NRG3: variants seen among roughly 807,000 people sequenced by gnomAD.
The protein encoded by NRG3 is pro-neuregulin-3, membrane-bound isoform.
Under a neutral mutation model 66.9 loss-of-function variants are expected in NRG3, and 31 were observed. The ratio of observed to expected loss-of-function variants is 0.46; its 90% CI spans 0.35 to 0.63. The LOEUF (loss-of-function observed/expected upper bound fraction) is 0.63. Among genes scored for constraint, NRG3 ranks in the 20% least tolerant of loss-of-function variants. The probability of loss-of-function intolerance (pLI) is 0.00; values close to 1 mark genes in which losing one functional copy is unlikely to be tolerated. For missense variants in NRG3, 910 were observed against 878.9 expected, an observed-to-expected ratio of 1.04 and a Z score of -0.45; for synonymous variants, 393 against 359.4, an observed-to-expected ratio of 1.09 and a Z score of -1.06.
At chr10:82,863,203 T>C (rs2135933792) in intron 3 of NRG3, among the ~76,000 whole-genome samples, 1 of 152,034 alleles carries the variant, frequency 6.6e-6, no homozygotes, top group East Asian at 1.9e-4. Context: ...TTCTTTTTTA[T>C]GACTGCATAG....
intron 4 of NRG3, among the ~76,000 whole-genome samples, chr10:82,895,592 G>A (rs948557872): frequency 2.7e-5 from 4 of 148,846 alleles, no homozygotes; most frequent in East Asian, 2.0e-4. Flanking sequence ...CCAGGTTCAC[G>A]CCATTCTCCT....
At chr10:82,245,642 A>G (rs2077203374) in intron 1 of NRG3, among the ~76,000 whole-genome samples, 1 of 152,156 alleles carries the variant, frequency 6.6e-6, no homozygotes, top group Non-Finnish European at 1.5e-5. Flanking sequence ...AGTTTTCAAT[A>G]TTTTTCAAAA....
chr10:81,877,601 A>T, intron 1 of NRG3: 1 of 871,474 alleles, frequency 1.1e-6, no homozygotes, highest in Non-Finnish European at 1.4e-6. Context: ...GTGTATTTGT[A>T]AGTAAGGTCC....
At chr10:82,936,644 A>G (rs1848096656) in intron 4 of NRG3, among the ~76,000 whole-genome samples, 1 of 152,192 alleles carries the variant, frequency 6.6e-6, no homozygotes, top group South Asian at 2.1e-4. Context: ...ATGTGAGGTA[A>G]TGTGTTTGTT....
chr10:82,222,756 A>C (rs1477072551), intron 1 of NRG3, among the ~76,000 whole-genome samples: 2 of 152,118 alleles, frequency 1.3e-5, no homozygotes, highest in Non-Finnish European at 2.9e-5. Context: ...TCTGAATTCT[A>C]GGTAGACTTA....
At chr10:82,379,772 A>C (rs987482055) in intron 2 of NRG3, among the ~76,000 whole-genome samples, 1 of 152,026 alleles carries the variant, frequency 6.6e-6, no homozygotes, top group Admixed American at 6.6e-5. Flanking sequence ...GTATAAAACC[A>C]GTGGTTTGGC....
At chr10:82,935,093 A>G (rs758748132) in intron 4 of NRG3, among the ~76,000 whole-genome samples, 1 of 152,220 alleles carries the variant, frequency 6.6e-6, no homozygotes, top group Non-Finnish European at 1.5e-5. Flanking sequence ...CTGTCACTGA[A>G]TACATCAATA....
intron 2 of NRG3, among the ~76,000 whole-genome samples, chr10:82,427,820 A>G (rs1028271599): frequency 6.6e-6 from 1 of 152,106 alleles, no homozygotes; most frequent in African/African-American, 2.4e-5. Context: ...AGATTTTATC[A>G]GTGATGTCAT....
At chr10:82,698,924 A>G (rs550496524) in intron 2 of NRG3, among the ~76,000 whole-genome samples, 1 of 152,270 alleles carries the variant, frequency 6.6e-6, no homozygotes, top group Non-Finnish European at 1.5e-5. Flanking sequence ...GTACTTCACA[A>G]TATTTACATT....
intron 4 of NRG3, among the ~76,000 whole-genome samples, chr10:82,927,059 G>T (rs1564636686): frequency 6.6e-6 from 1 of 152,164 alleles, no homozygotes; most frequent in Non-Finnish European, 1.5e-5. Context: ...CACCTGAAGT[G>T]CTCAAAGGAC....
At chr10:82,050,825 C>CACTCTCTGTCTCTCCAGCCATGCCTCA (rs2063558084) in intron 1 of NRG3, among the ~76,000 whole-genome samples, 1 of 151,944 alleles carries the variant, frequency 6.6e-6, no homozygotes, top group Non-Finnish European at 1.5e-5. Context: ...GCCATGCCTC[C>CACTCTCTGTCTCTCCAGCCATGCCTCA]ACTTGCAGAA....
At chr10:82,376,683 A>G (rs2085263340) in intron 2 of NRG3, among the ~76,000 whole-genome samples, 1 of 152,156 alleles carries the variant, frequency 6.6e-6, no homozygotes, top group African/African-American at 2.4e-5. Flanking sequence ...ATGGGTCTCC[A>G]TAATTGTCAC....
rs1589982254 is a variant in NRG3 at position 82,398,282 on chromosome 10, AAG to A, written c.953+39421_953+39422del. ...CAGGTCAGCTGTGGACAGCAAGAGA[AAG>A]AGAGAGGTTTTGGAATGAAGGGAAG... On this transcript the variant is annotated intron_variant, in intron 2 of 8. Transcript: ENST00000372141. Among the ~76,000 whole-genome samples, 4 of 152,260 alleles carry A rather than the reference AAG, an allele frequency of 2.6e-5. No homozygotes were observed. The East Asian group carries it at 7.7e-4, about 29-fold the overall frequency.
At chr10:82,603,680 A>T (rs2047777481) in intron 2 of NRG3, among the ~76,000 whole-genome samples, 1 of 152,204 alleles carries the variant, frequency 6.6e-6, no homozygotes, top group South Asian at 2.1e-4. Flanking sequence ...TGAAAAAAAA[A>T]GTCTCAGGTG....
chr10:82,835,194 G>A (rs1313004959), intron 3 of NRG3, among the ~76,000 whole-genome samples: 2 of 152,098 alleles, frequency 1.3e-5, no homozygotes, highest in African/African-American at 4.8e-5. Context: ...ATAAAAGGTT[G>A]TGTGAAAATG....
rs530644537 is a variant in NRG3, at chr10:82,311,515, C to A, written c.824-47224C>A. On this transcript the variant is annotated intron_variant, in intron 1 of 8. Transcript: ENST00000372141. ...CTGAAATCTGGGTATATTTATTTTT[C>A]ATTATAGCTAAATAAAATAAAAAAC... Among the ~76,000 whole-genome samples, 4 of 152,188 alleles carry A rather than the reference C, an allele frequency of 2.6e-5. No individual in the cohort carries two copies. The East Asian group carries it at 7.7e-4, about 29-fold the overall frequency.
intron 1 of NRG3, among the ~76,000 whole-genome samples, chr10:82,035,804 G>C (rs2062768401): frequency 6.6e-6 from 1 of 152,022 alleles, no homozygotes; most frequent in South Asian, 2.1e-4. Flanking sequence ...AAGTTGCATA[G>C]TACAAAACAA....
At chr10:82,440,107 T>C (rs2090354566) in intron 2 of NRG3, among the ~76,000 whole-genome samples, 1 of 152,070 alleles carries the variant, frequency 6.6e-6, no homozygotes, top group South Asian at 2.1e-4. Flanking sequence ...AGATTATGTT[T>C]CCCATCTTTT....
At chr10:82,225,729 T>A (rs1444622864) in intron 1 of NRG3, among the ~76,000 whole-genome samples, 1 of 152,206 alleles carries the variant, frequency 6.6e-6, no homozygotes, top group Non-Finnish European at 1.5e-5. Flanking sequence ...TCTTAGGATA[T>A]TCCTCAGGTT....
Sources: gnomAD v4.1 joint callset for allele counts (sites outside exome capture counted in the v4.1 genomes callset) on GRCh38, gnomAD v4.1.1 for gene constraint, MANE v1.5 for transcripts, NCBI Gene and HGNC (gene_info 2026-07-23, HGNC 2026-07-21) for gene names.